The following DNAI2 variants were observed in gnomAD, a reference collection of about 807,000 sequenced individuals.
The protein encoded by DNAI2 is dynein, axonemal, intermediate polypeptide 2.
Under a neutral mutation model 74.7 loss-of-function variants are expected in DNAI2, and 63 were observed. That is an observed-to-expected ratio of 0.84 (90% confidence interval 0.69 to 1.04). The LOEUF is 1.04. DNAI2 is among the 50% of genes least tolerant of loss of function. The pLI is 0.00. For missense variants in DNAI2, 688 were observed against 803.2 expected (o/e 0.86, Z 1.73); for synonymous variants, 289 against 314.9 (o/e 0.92, Z 0.87).
At position 74,301,140 on chromosome 17, in the gene DNAI2, C is replaced by T; in HGVS notation, c.959C>T (p.Ala320Val). ...GAACAGTTGGAAAATGCCTTGGGGGCCATCTCCCTGGAGTTCGAATCTACT... is the reference window on the plus strand; with the variant it reads ...GAACAGTTGGAAAATGCCTTGGGGGTCATCTCCCTGGAGTTCGAATCTACT... ...KKEQLENALGAISLEFESTLP... is the reference protein window; with the variant it reads ...KKEQLENALGVISLEFESTLP... The change falls in exon 8 of 14, where the codon GCC becomes GTC. Residue 320 changes from alanine to valine, a missense_variant. By Grantham distance (64) the Ala-to-Val change is moderately conservative. Coordinates refer to ENST00000311014, the MANE Select transcript of DNAI2 (RefSeq NM_023036.6). 3 of 1,613,910 alleles carry T rather than the reference C, an allele frequency of 1.9e-6. No homozygotes were observed. Among genetic ancestry groups the T allele is most frequent in the African/African-American group, 2.7e-5 (2 of 75,000 alleles).
At chr17:74,309,519 C>T (rs763444149) in intron 10 of DNAI2, 131 bp downstream of exon 10, 24 of 1,294,612 alleles carry the variant, frequency 1.9e-5, no homozygotes, top group Admixed American at 1.3e-4. Context: ...GTGGGGGAGC[C>T]GTGTGCAGGC....
intron 6 of DNAI2, among the ~76,000 whole-genome samples, chr17:74,295,857 A>G (rs1448652033): frequency 6.6e-6 from 1 of 152,114 alleles, no homozygotes; most frequent in Non-Finnish European, 1.5e-5. Flanking sequence ...TGATTAGTTA[A>G]TGATTGAACA....
In DNAI2 at chr17:74,299,848, G is replaced by A. The variant is rs144909415; in HGVS notation, c.855G>A (p.Thr285=). Residue 285 remains threonine (T), a synonymous_variant, in exon 7 of 14, where the codon ACG becomes ACA. Transcript: ENST00000311014. ...KTGTECFSAS[T]DGQVMWWDIR... is the part of the protein sequence containing the mutation. ...GCACCGAGTGCTTCTCAGCTTCCACGGATGGGCAGGTACCCACCAGCCAGA... is the reference window on the plus strand; with the variant it reads ...GCACCGAGTGCTTCTCAGCTTCCACAGATGGGCAGGTACCCACCAGCCAGA... 6.7e-5 allele frequency: 108 copies of A among 1,613,298 alleles called. No homozygotes were observed. The highest frequency in any genetic ancestry group is 4.9e-4 in the Middle Eastern group (3 of 6,084).
rs755741675 is a variant in DNAI2 at position 74,281,961 on chromosome 17, C to T, written c.144C>T (p.Asp48=). The part of the protein sequence containing the change: ...AEQFVERNPV[D]TGIQCSISMS... ...AGTTCGTGGAGCGGAACCCAGTGGACACGGGCATCCAGTGCTCGATCAGCA... is the reference window on the plus strand; with the variant it reads ...AGTTCGTGGAGCGGAACCCAGTGGATACGGGCATCCAGTGCTCGATCAGCA... Residue 48 remains aspartate (D), a synonymous_variant, in exon 2 of 14, where the codon GAC becomes GAT. Coordinates refer to ENST00000311014, the MANE Select transcript of DNAI2 (RefSeq NM_023036.6). The T allele has an allele frequency of 6.2e-7, 1 of 1,614,134 alleles. No homozygotes were observed. The highest frequency in any genetic ancestry group is 8.5e-7 in the Non-Finnish European group (1 of 1,180,028).
intron 12 of DNAI2, 115 bp from the exon 13 acceptor site, chr17:74,314,006 G>T: frequency 1.3e-6 from 2 of 1,573,200 alleles, no homozygotes; most frequent in Non-Finnish European, 1.7e-6. Flanking sequence ...GGTGCTCAGC[G>T]ACCCAGGCTT....
intron 8 of DNAI2, among the ~76,000 whole-genome samples, chr17:74,302,068 AAAGAAGGAAGGAAGGAAG>A (rs1567865787): frequency 3.6e-4 from 23 of 64,322 alleles, no homozygotes; most frequent in East Asian, 3.5e-3. Flanking sequence ...GGAAGGAAGG[AAAGAAGGAAGGAAGGAAG>A]GAAGGAAGGA....
At position 74,276,105 on chromosome 17, in the gene DNAI2, A is replaced by G. The variant is rs536509276; in HGVS notation, c.-12+1760A>G. On this transcript the variant is annotated intron_variant, in intron 1 of 13. Coordinates refer to ENST00000311014, the MANE Select transcript of DNAI2 (RefSeq NM_023036.6). ...TCCCACGCTGACACTCCTCCTCCCC[A>G]TCACTCCCTTGGCCTTCCTCCCAGC... Among the ~76,000 whole-genome samples, 4 of 152,042 alleles carry G rather than the reference A, an allele frequency of 2.6e-5. No individual in the cohort carries two copies. In the East Asian group the frequency reaches 7.8e-4, roughly 29 times the overall value.
intron 6 of DNAI2, 77 bp from the exon 7 acceptor site, chr17:74,299,641 C>T: frequency 1.3e-6 from 2 of 1,593,814 alleles, no homozygotes; most frequent in South Asian, 2.2e-5. Flanking sequence ...CAGCAGCCCC[C>T]TCTCTCCCCT....
chr17:74,281,798 G>A lies in DNAI2; in HGVS notation c.-11-9G>A. 2 of 1,613,032 alleles carry A rather than the reference G, an allele frequency of 1.2e-6. No individual in the cohort carries two copies. The highest frequency in any genetic ancestry group is 1.7e-6 in the Non-Finnish European group (2 of 1,179,994). ...GTCCCTCACCCCACACCCTCCCTCTGCCCCCCAGCAGCCGGCACCATGGAG... is the reference window on the plus strand; with the variant it reads ...GTCCCTCACCCCACACCCTCCCTCTACCCCCCAGCAGCCGGCACCATGGAG... On this transcript the variant is annotated splice_polypyrimidine_tract_variant and intron_variant, in intron 1 of 13. Coordinates refer to ENST00000311014, the MANE Select transcript of DNAI2 (RefSeq NM_023036.6).
chr17:74,296,316 A>C (rs2052421492), intron 6 of DNAI2, among the ~76,000 whole-genome samples: 1 of 97,666 alleles, frequency 1.0e-5, no homozygotes, highest in Admixed American at 1.1e-4. Flanking sequence ...CTTTAAAGAG[A>C]GAGAGAGAGA....
rs140964616 is a variant in DNAI2 at position 74,313,707 on chromosome 17, G to A, written c.1723-414G>A. On this transcript the variant is annotated intron_variant, in intron 12 of 13. Transcript: ENST00000311014. ...CCTGTCTCTCTCTTAGTCTGCAATTGGCCCAAAACGCTGGTGGTCACAAAG... is the reference window on the plus strand; with the variant it reads ...CCTGTCTCTCTCTTAGTCTGCAATTAGCCCAAAACGCTGGTGGTCACAAAG... 281 of 224,978 alleles carry A rather than the reference G, an allele frequency of 1.2e-3. 1 individual carries two copies. Among genetic ancestry groups the A allele is most frequent in the African/African-American group, 5.8e-3 (261 of 45,306 alleles). 13.9% of individuals were successfully genotyped at this position (224,978 alleles called of 1,614,324 possible).
chr17:74,310,044 C>G lies in DNAI2; in HGVS notation c.1375C>G (p.Arg459Gly). The change falls in exon 11 of 14, where the codon CGG becomes GGG. Residue 459 changes from arginine (R) to glycine (G), a missense_variant. Transcript: ENST00000311014. ...GTGTGACGAGGCCCTCTTCTGCCTC[C>G]GGGTGCAGGACAATGGGTGTCTCAT... is the stretch of plus-strand genomic sequence containing the variant. ...KVCDEALFCLRVQDNGCLIAC... is the reference protein window; with the variant it reads ...KVCDEALFCLGVQDNGCLIAC... 6.2e-7 allele frequency: 1 copy of G among 1,613,888 alleles called. No individual in the cohort carries two copies. The highest frequency in any genetic ancestry group is 8.5e-7 in the Non-Finnish European group (1 of 1,180,038).
intron 1 of DNAI2, among the ~76,000 whole-genome samples, chr17:74,275,465 C>A (rs2051012637): frequency 6.6e-6 from 1 of 152,174 alleles, no homozygotes; most frequent in Non-Finnish European, 1.5e-5. Context: ...GTTTTCACAC[C>A]TGTAATCCCA....
At chr17:74,281,738 G>A (rs1372305718) in intron 1 of DNAI2, 69 bp from the exon 2 acceptor site, 15 of 1,517,502 alleles carry the variant, frequency 9.9e-6, no homozygotes, top group African/African-American at 2.7e-5. Context: ...AGCTGTCCTG[G>A]CAGGACCTGT....
rs113164069 is a variant in DNAI2 at position 74,277,243 on chromosome 17, C to T, written c.-12+2898C>T. 4.7e-3 allele frequency among the ~76,000 whole-genome samples: 719 copies of T among 152,052 alleles called. 1 individual carries two copies. Among genetic ancestry groups the T allele is most frequent in the Non-Finnish European group, 6.4e-3 (437 of 67,984 alleles). On this transcript the variant is annotated intron_variant, in intron 1 of 13. Coordinates refer to ENST00000311014, the MANE Select transcript of DNAI2 (RefSeq NM_023036.6). The stretch of plus-strand genomic sequence containing the variant: ...CTCTACTAAAAATACAAAAATTAGC[C>T]GCGAATGGTGGCATGTGCCTGTAAT...
At chr17:74,301,229 C>T in intron 8 of DNAI2, 61 bp downstream of exon 8, 1 of 1,606,700 alleles carries the variant, frequency 6.2e-7, no homozygotes, top group Non-Finnish European at 8.5e-7. Flanking sequence ...GGGCTAAAGA[C>T]AGGCCATTGC....
intron 1 of DNAI2, 175 bp from the exon 2 acceptor site, chr17:74,281,632 C>A: frequency 1.6e-6 from 1 of 635,502 alleles, no homozygotes; most frequent in South Asian, 1.9e-5. Context: ...AGTCGGCACT[C>A]AGGATTTTTT....
intron 1 of DNAI2, 66 bp downstream of exon 1, chr17:74,274,411 C>T (rs2050940044): frequency 1.3e-5 from 2 of 152,342 alleles, no homozygotes; most frequent in Middle Eastern, 6.8e-3. Context: ...CAGGGAGAGA[C>T]TTACAGGGTA....
At chr17:74,276,789 C>G (rs577437466) in intron 1 of DNAI2, among the ~76,000 whole-genome samples, 4 of 152,326 alleles carry the variant, frequency 2.6e-5, no homozygotes, top group African/African-American at 9.6e-5. Context: ...TCCTCATTCT[C>G]TTCAATCTCC....
Sources: gnomAD v4.1 joint callset for allele counts (sites outside exome capture counted in the v4.1 genomes callset) on GRCh38, gnomAD v4.1.1 for gene constraint, MANE v1.5 for transcripts, NCBI Gene and HGNC (gene_info 2026-07-23, HGNC 2026-07-21) for gene names.